Variants in VRK2 observed in about 807,000 individuals in gnomAD.
The protein encoded by VRK2 is VRK serine/threonine kinase 2, also known as serine/threonine-protein kinase VRK2.
VRK2 carries 60 observed loss-of-function variants against 57.6 expected under a neutral mutation model. That is an observed-to-expected ratio of 1.04 (90% CI 0.85 to 1.29). The LOEUF is 1.29. Among genes scored for constraint, VRK2 ranks in the 50% most tolerant of loss-of-function variants. The pLI is 0.00. For synonymous variants in VRK2, 231 were observed against 199.2 expected, an observed-to-expected ratio of 1.16 and a Z score of -1.35; for missense variants, 705 against 588.1, an observed-to-expected ratio of 1.20 and a Z score of -2.06.
chr2:57,976,867 T>C (rs920514697), intron 1 of VRK2, among the ~76,000 whole-genome samples: 2 of 152,182 alleles, frequency 1.3e-5, no homozygotes, highest in African/African-American at 4.8e-5. Context: ...TATATTTAAA[T>C]TTTTAATTCC....
chr2:57,921,686 G>A (rs956683577), intron 1 of VRK2, among the ~76,000 whole-genome samples: 2 of 152,110 alleles, frequency 1.3e-5, no homozygotes, highest in Non-Finnish European at 1.5e-5. Flanking sequence ...TTCCCATAGG[G>A]AACAGTAAGT....
chr2:57,918,634 C>T (rs1383023917), intron 1 of VRK2, among the ~76,000 whole-genome samples: 1 of 152,056 alleles, frequency 6.6e-6, no homozygotes, highest in Non-Finnish European at 1.5e-5. Flanking sequence ...TGAAAGCACC[C>T]ATCTAAGCAG....
At chr2:57,999,016 T>C (rs912725761) in intron 1 of VRK2, among the ~76,000 whole-genome samples, 4 of 151,834 alleles carry the variant, frequency 2.6e-5, no homozygotes, top group African/African-American at 9.7e-5. Context: ...TATTAATAAA[T>C]ATGAAAAAAT....
chr2:58,077,398 C>T (rs1347086030), intron 2 of VRK2, among the ~76,000 whole-genome samples: 1 of 151,910 alleles, frequency 6.6e-6, no homozygotes, highest in Non-Finnish European at 1.5e-5. Flanking sequence ...AATTGATTGA[C>T]CAGTCTTATC....
chr2:58,045,738 T>C (rs2103739009), upstream of VRK2, among the ~76,000 whole-genome samples: 1 of 151,920 alleles, frequency 6.6e-6, no homozygotes, highest in Middle Eastern at 3.4e-3. Context: ...TCAGTATTTG[T>C]ATCCCAACCA....
At chr2:58,159,178 A>G (rs1684613788) in intron 12 of VRK2, 171 bp from the exon 13 acceptor site, 1 of 531,078 alleles carries the variant, frequency 1.9e-6, no homozygotes, top group South Asian at 3.8e-5. Flanking sequence ...TAAACTCTTA[A>G]AAAGTGTAAA....
intron 1 of VRK2, among the ~76,000 whole-genome samples, chr2:58,003,429 T>A (rs973794512): frequency 1.3e-5 from 2 of 152,126 alleles, no homozygotes; most frequent in African/African-American, 2.4e-5. Context: ...TTTTTAAAAT[T>A]CATGAATATG....
chr2:58,125,270 A>AGT (rs1678167883), intron 8 of VRK2, among the ~76,000 whole-genome samples: 1 of 152,150 alleles, frequency 6.6e-6, no homozygotes, highest in Non-Finnish European at 1.5e-5. Context: ...TGGTATGGTC[A>AGT]GTGTTTGGAC....
exon 3 of VRK2, chr2:58,033,354 G>A (rs1674174539): frequency 6.6e-6 from 1 of 151,994 alleles, no homozygotes; most frequent in African/African-American, 2.4e-5. Flanking sequence ...TTTCTAAGAA[G>A]GAAGAAGGAG....
intron 2 of VRK2, among the ~76,000 whole-genome samples, chr2:58,080,721 T>C (rs1343983364): frequency 1.3e-5 from 2 of 151,916 alleles, no homozygotes; most frequent in East Asian, 3.9e-4. Context: ...ATTTTTACTT[T>C]GTTCCTCTGC....
At chr2:58,003,568 T>C (rs1673151960) in intron 1 of VRK2, among the ~76,000 whole-genome samples, 1 of 152,176 alleles carries the variant, frequency 6.6e-6, no homozygotes, top group African/African-American at 2.4e-5. Flanking sequence ...ATTTTTAGCA[T>C]AATTATATTC....
chr2:57,940,610 A>G (rs1410220967), intron 1 of VRK2, among the ~76,000 whole-genome samples: 1 of 152,212 alleles, frequency 6.6e-6, no homozygotes, highest in Non-Finnish European at 1.5e-5. Flanking sequence ...AAATAGGGAA[A>G]AAAAGGTCAA....
Position 58,013,718 on chromosome 2 carries a change from G to A in VRK2, c.-438-11947G>A, listed in dbSNP as rs528947692. 3.3e-4 allele frequency among the ~76,000 whole-genome samples: 50 copies of A among 151,744 alleles called. No homozygotes were observed. The South Asian group carries it at 9.8e-3, about 30-fold the overall frequency. On this transcript the variant is annotated intron_variant, in intron 1 of 15. Transcript: ENST00000417641. ...ACTAAAAATACAAAAAATTAGCCGG[G>A]CGCAGTGGCGGGCGCCTGTAGTCCC...
chr2:58,062,834 A>G (rs1677545322), intron 2 of VRK2, among the ~76,000 whole-genome samples: 1 of 152,148 alleles, frequency 6.6e-6, no homozygotes, highest in African/African-American at 2.4e-5. Flanking sequence ...AGCTGCAGCA[A>G]GTTATCCAGA....
At chr2:58,134,794 C>T (rs903080071) in intron 9 of VRK2, among the ~76,000 whole-genome samples, 6 of 152,022 alleles carry the variant, frequency 3.9e-5, no homozygotes, top group Non-Finnish European at 7.4e-5. Context: ...TTTCTCAAGT[C>T]GTGTCATATA....
chr2:58,069,050 G>GT (rs1252022326), intron 2 of VRK2, among the ~76,000 whole-genome samples: 1 of 151,916 alleles, frequency 6.6e-6, no homozygotes, highest in Non-Finnish European at 1.5e-5. Context: ...TCATATATGA[G>GT]TTTTTTTCTG....
chr2:57,942,716 T>C (rs887362598), intron 1 of VRK2, among the ~76,000 whole-genome samples: 3 of 152,308 alleles, frequency 2.0e-5, no homozygotes, highest in East Asian at 3.9e-4. Flanking sequence ...ATGACACAAA[T>C]GTCTAAATGT....
chr2:58,084,809 C>A, intron 3 of VRK2, 72 bp from the exon 4 acceptor site: 1 of 1,012,200 alleles, frequency 9.9e-7, no homozygotes, highest in Admixed American at 2.5e-5. Context: ...TTCATATTTT[C>A]ACAGTTGAAA....
At chr2:58,055,220 C>T (rs1193874064) in intron 2 of VRK2, among the ~76,000 whole-genome samples, 2 of 152,196 alleles carry the variant, frequency 1.3e-5, no homozygotes, top group East Asian at 1.9e-4. Flanking sequence ...ACTGGCATCA[C>T]ACCTTCTGAA....
Sources: gnomAD v4.1 joint callset for allele counts (sites outside exome capture counted in the v4.1 genomes callset) on GRCh38, gnomAD v4.1.1 for gene constraint, MANE v1.5 for transcripts, NCBI Gene and HGNC (gene_info 2026-07-23, HGNC 2026-07-21) for gene names.